Variants in EFHB observed in about 807,000 individuals in gnomAD.
EFHB encodes EF-hand domain-containing family member B.
Under a neutral mutation model 87.2 loss-of-function variants are expected in EFHB, and 91 were observed. The observed-to-expected ratio is 1.04, with a 90% confidence interval of 0.88 to 1.24. The LOEUF (loss-of-function observed/expected upper bound fraction) is 1.24. EFHB is among the 50% of genes most tolerant of loss of function. The probability of loss-of-function intolerance (pLI) is 0.00; values close to 1 mark genes in which losing one functional copy is unlikely to be tolerated. For missense variants in EFHB, 1,084 were observed against 998.8 expected, an observed-to-expected ratio of 1.09 and a Z score of -1.15; for synonymous variants, 325 against 333.6, an observed-to-expected ratio of 0.97 and a Z score of 0.28.
At chr3:19,899,577 T>C in intron 6 of EFHB, 62 bp from the exon 7 acceptor site, 4 of 1,280,104 alleles carry the variant, frequency 3.1e-6, no homozygotes, top group South Asian at 3.0e-5. Flanking sequence ...CTGCCAAATA[T>C]ACATAAGGCG....
At chr3:19,888,829 T>A (rs1476872391) in intron 9 of EFHB, among the ~76,000 whole-genome samples, 178 bp from the exon 10 acceptor site, 1 of 152,260 alleles carries the variant, frequency 6.6e-6, no homozygotes. Flanking sequence ...ATTATTACCA[T>A]GATATGGGCT....
chr3:19,931,714 C>A (rs1252982651), intron 1 of EFHB, among the ~76,000 whole-genome samples: 1 of 152,098 alleles, frequency 6.6e-6, no homozygotes, highest in Non-Finnish European at 1.5e-5. Context: ...TTTTCTTCTC[C>A]GACTGGTCTT....
chr3:19,943,835 T>C (rs1461538032), intron 1 of EFHB, among the ~76,000 whole-genome samples: 1 of 152,194 alleles, frequency 6.6e-6, no homozygotes, highest in Non-Finnish European at 1.5e-5. Flanking sequence ...CTAGTAGGGA[T>C]AGATAACCAT....
chr3:19,933,124 T>C, intron 1 of EFHB, 106 bp downstream of exon 1: 4 of 1,329,154 alleles, frequency 3.0e-6, no homozygotes, highest in Non-Finnish European at 3.0e-6. Flanking sequence ...CATAAAATCC[T>C]TGTGATTTGT....
chr3:19,897,910 T>C (rs1694541892), intron 8 of EFHB, among the ~76,000 whole-genome samples: 1 of 152,224 alleles, frequency 6.6e-6, no homozygotes, highest in African/African-American at 2.4e-5. Context: ...TACCTGTCAA[T>C]GAGTTGACTT....
At chr3:19,888,322 T>C in intron 10 of EFHB, 122 bp downstream of exon 10, 1 of 412,614 alleles carries the variant, frequency 2.4e-6, no homozygotes, top group Non-Finnish European at 3.6e-6. Context: ...AACCCAGGAG[T>C]TCAAGGGCAA....
At chr3:19,933,126 G>A (rs1695885231) in intron 1 of EFHB, 104 bp downstream of exon 1, 1 of 1,331,812 alleles carries the variant, frequency 7.5e-7, no homozygotes. Flanking sequence ...TAAAATCCTT[G>A]TGATTTGTCT....
In EFHB at chr3:19,933,659, A is replaced by G; in HGVS notation, c.360T>C (p.Tyr120=). Residue 120 remains tyrosine (Y), a synonymous_variant, in exon 1 of 13, where the codon TAT becomes TAC. Transcript: ENST00000295824. ...GAGGCTGTATTATCCGTTCATGGGT[A>G]TATCCTGCAAGAAGACTCTCATTTT... ...GLENESLLAG[Y]THERIIQPPL... 6.2e-7 allele frequency: 1 copy of G among 1,614,016 alleles called. No homozygotes were observed.
intron 8 of EFHB, among the ~76,000 whole-genome samples, chr3:19,898,195 TATTG>T (rs762179947): frequency 1.3e-5 from 2 of 152,244 alleles, no homozygotes; most frequent in Non-Finnish European, 2.9e-5. Flanking sequence ...CTACTTTATG[TATTG>T]ATTGATTGAT....
At position 19,920,564 on chromosome 3, in the gene EFHB, C is replaced by A. The variant is rs201213667; in HGVS notation, c.793G>T (p.Gly265Ter). The A allele has an allele frequency of 6.3e-7, 1 of 1,594,520 alleles. No homozygotes were observed. Among genetic ancestry groups the A allele is most frequent in the Non-Finnish European group, 8.5e-7 (1 of 1,172,894 alleles). ...FDRTPCWPSA[G>*]KVIPVGYRVA... ...CTGTAACCAACTGGAATAACTTTTC[C>A]TGCCTTTGGGGGAAAAAAATGGGTT... is the stretch of plus-strand genomic sequence containing the variant. The change falls in exon 2 of 13, where the codon GGA (glycine) becomes TGA (stop). Residue 265 changes from glycine (G) to a stop codon, truncating the protein, a stop_gained. Coordinates refer to ENST00000295824, the MANE Select transcript of EFHB (RefSeq NM_144715.4). LOFTEE classifies it high-confidence loss of function.
intron 6 of EFHB, among the ~76,000 whole-genome samples, chr3:19,903,170 C>T (rs1694729419): frequency 6.9e-6 from 1 of 144,944 alleles, no homozygotes. Flanking sequence ...GAGGGAGACT[C>T]CATCTCAAAA....
intron 11 of EFHB, 32 bp from the exon 12 acceptor site, chr3:19,882,763 T>G: frequency 6.3e-7 from 1 of 1,590,932 alleles, no homozygotes; most frequent in Non-Finnish European, 8.6e-7. Context: ...AAAACAGACA[T>G]TCTAAAACAA....
intron 10 of EFHB, among the ~76,000 whole-genome samples, chr3:19,885,383 A>G (rs1007773351): frequency 3.3e-5 from 5 of 152,326 alleles, no homozygotes; most frequent in Non-Finnish European, 5.9e-5. Context: ...AGAGATGATA[A>G]GAACTCACTG....
At chr3:19,915,926 C>T (rs556480929) in intron 4 of EFHB, among the ~76,000 whole-genome samples, 148 of 152,042 alleles carry the variant, frequency 9.7e-4, no homozygotes, top group Non-Finnish European at 1.9e-3. Context: ...TGCAGTGAGC[C>T]GAGATGGCAC....
At position 19,933,326 on chromosome 3, in the gene EFHB, C is replaced by A; in HGVS notation, c.693G>T (p.Lys231Asn). The A allele has an allele frequency of 6.2e-7, 1 of 1,613,974 alleles. No individual in the cohort carries two copies. The highest frequency in any genetic ancestry group is 8.5e-7 in the Non-Finnish European group (1 of 1,179,900). ...CQFAQQHEQR[K>N]EAGNIESGVE... ...CTCCTGATTCAATGTTTCCAGCCTC[C>A]TTTCTCTGTTCATGTTGTTGGGCAA... Residue 231 changes from lysine to asparagine, a missense_variant, in exon 1 of 13, where the codon AAG (lysine) becomes AAT (asparagine). Physicochemically the swap from Lys to Asn is moderately conservative, Grantham distance 94 (BLOSUM62 0). Coordinates refer to ENST00000295824, the MANE Select transcript of EFHB (RefSeq NM_144715.4).
At chr3:19,945,897 T>C (rs1014467443) in intron 1 of EFHB, 5 of 152,212 alleles carry the variant, frequency 3.3e-5, no homozygotes, top group African/African-American at 9.7e-5. Flanking sequence ...TTCTCGCCCT[T>C]ACAACAGAGC....
At chr3:19,914,959 G>A (rs182833903) in intron 5 of EFHB, among the ~76,000 whole-genome samples, 169 of 152,086 alleles carry the variant, frequency 1.1e-3, no homozygotes, top group Non-Finnish European at 2.2e-3. Context: ...AGGCGTGGTG[G>A]TGCACACCTG....
rs1026896505 is a variant in EFHB at position 19,882,544 on chromosome 3, C to A, written c.2328+6G>T. 6.3e-7 allele frequency: 1 copy of A among 1,586,562 alleles called. No individual in the cohort carries two copies. The highest frequency in any genetic ancestry group is 8.6e-7 in the Non-Finnish European group (1 of 1,163,742). ...ATTTCCATTTTTGTATGCTTATATG[C>A]TATACCTCTTCTTTTGATCTGGTCT... On this transcript the variant is annotated splice_donor_region_variant and intron_variant, in intron 12 of 12. Transcript: ENST00000295824.
At chr3:19,896,038 C>A (rs925082417) in intron 9 of EFHB, among the ~76,000 whole-genome samples, 1 of 152,108 alleles carries the variant, frequency 6.6e-6, no homozygotes, top group Non-Finnish European at 1.5e-5. Flanking sequence ...AAAACTAAAA[C>A]CACACCCTGC....
Sources: allele counts gnomAD v4.1 joint callset (sites outside exome capture counted in the v4.1 genomes callset), GRCh38; gene constraint gnomAD v4.1.1; transcripts MANE v1.5; gene names NCBI Gene and HGNC (gene_info 2026-07-23, HGNC 2026-07-21).